CHD6: variants seen among roughly 807,000 people sequenced by gnomAD.
CHD6 encodes the protein ATP-dependent chromatin remodeler CHD6.
In CHD6, 50 loss-of-function variants were observed where a neutral mutation model predicts 276.9. The ratio of observed to expected loss-of-function variants is 0.18; its 90% CI spans 0.14 to 0.23. The LOEUF is 0.23. Ranked by LOEUF, CHD6 falls within the 10% of genes least tolerant of loss-of-function variation. The probability of loss-of-function intolerance (pLI) is 1.00; values close to 1 mark genes in which losing one functional copy is unlikely to be tolerated. For synonymous variants in CHD6, 1,173 were observed against 1,229.3 expected (o/e 0.95, Z 0.96); for missense variants, 2,564 against 3,365.8 (o/e 0.76, Z 5.89).
At chr20:41,512,777 A>G (rs1208356277) in intron 5 of CHD6, 69 bp downstream of exon 5, 1 of 1,574,972 alleles carries the variant, frequency 6.3e-7, no homozygotes, top group Non-Finnish European at 8.7e-7. Context: ...AAAGGCCAAG[A>G]AACACGTCTG....
At chr20:41,602,221 A>T (rs1460595990) in intron 1 of CHD6, among the ~76,000 whole-genome samples, 1 of 152,256 alleles carries the variant, frequency 6.6e-6, no homozygotes, top group Non-Finnish European at 1.5e-5. Flanking sequence ...ATAGAGTAAC[A>T]TGAATTACAA....
chr20:41,558,863 C>G (rs1373485696), intron 1 of CHD6, among the ~76,000 whole-genome samples: 12 of 152,132 alleles, frequency 7.9e-5, no homozygotes, highest in Admixed American at 7.9e-4. Context: ...CCCACCACCA[C>G]TCTGTTACTC....
chr20:41,499,598 C>T (rs769957518), intron 5 of CHD6, among the ~76,000 whole-genome samples: 28 of 152,168 alleles, frequency 1.8e-4, no homozygotes, highest in Non-Finnish European at 3.5e-4. Context: ...TTTTCAGATG[C>T]AATTTCAGAT....
At chr20:41,596,621 T>G (rs2045720613) in intron 1 of CHD6, among the ~76,000 whole-genome samples, 1 of 147,344 alleles carries the variant, frequency 6.8e-6, no homozygotes, top group Admixed American at 6.8e-5. Flanking sequence ...CTTAGGGAAA[T>G]GATAGTTAAA....
chr20:41,610,332 C>A (rs2045873641), intron 1 of CHD6, among the ~76,000 whole-genome samples: 2 of 151,930 alleles, frequency 1.3e-5, no homozygotes, highest in South Asian at 4.1e-4. Context: ...ATATGCAACC[C>A]CGAATGAACC....
intron 36 of CHD6, among the ~76,000 whole-genome samples, chr20:41,411,004 G>T (rs968719165): frequency 6.6e-5 from 10 of 152,280 alleles, no homozygotes; most frequent in South Asian, 2.1e-4. Flanking sequence ...AGCTCGTACT[G>T]CTCACGCAAG....
intron 16 of CHD6, 49 bp downstream of exon 16, chr20:41,483,260 G>A (rs2143228): frequency 0.28 from 411,170 of 1,468,250 alleles, 58,985 homozygotes; most frequent in East Asian, 0.41. Flanking sequence ...AATATCAAAG[G>A]AAAGGAACTG....
chr20:41,565,303 C>G (rs2045343661), intron 1 of CHD6, among the ~76,000 whole-genome samples: 1 of 152,048 alleles, frequency 6.6e-6, no homozygotes, highest in African/African-American at 2.4e-5. Context: ...ATCATGTTGG[C>G]CAGGCTGCTC....
At chr20:41,551,833 C>A (rs190466510) in intron 1 of CHD6, among the ~76,000 whole-genome samples, 2 of 152,236 alleles carry the variant, frequency 1.3e-5, no homozygotes, top group African/African-American at 4.8e-5. Flanking sequence ...AGGAGTGAGA[C>A]AGGATTTGGT....
At position 41,487,695 on chromosome 20, in the gene CHD6, C is replaced by A; in HGVS notation, c.1971G>T (p.Glu657Asp). 6.2e-7 allele frequency: 1 copy of A among 1,609,772 alleles called. No individual in the cohort carries two copies. Among genetic ancestry groups the A allele is most frequent in the Non-Finnish European group, 8.5e-7 (1 of 1,178,916 alleles). Reference protein sequence around the residue: ...SQFPSETAFLEEFGDLKTEEQ... With the variant: ...SQFPSETAFLDEFGDLKTEEQ... ...CCTCTGTTTTCAGATCTCCAAATTC[C>A]TCCAAGAAAGCGGTCTCTGAAGGAA... The change falls in exon 14 of 37, where the codon GAG becomes GAT. Residue 657 changes from glutamate to aspartate, a missense_variant. Glu to Asp is a conservative substitution (Grantham distance 45). Coordinates refer to ENST00000373233, the MANE Select transcript of CHD6 (RefSeq NM_032221.5).
At chr20:41,458,815 G>T (rs1458411198) in intron 17 of CHD6, among the ~76,000 whole-genome samples, 1 of 152,040 alleles carries the variant, frequency 6.6e-6, no homozygotes, top group Non-Finnish European at 1.5e-5. Context: ...CAAGCAGAGG[G>T]GTGATTACTG....
chr20:41,428,175 G>C (rs1366777364), intron 27 of CHD6, among the ~76,000 whole-genome samples: 1 of 152,190 alleles, frequency 6.6e-6, no homozygotes, highest in East Asian at 1.9e-4. Context: ...TTCAAGTAAG[G>C]AAAGCTTTGA....
intron 23 of CHD6, among the ~76,000 whole-genome samples, chr20:41,448,353 T>C (rs1183007869): frequency 6.6e-6 from 1 of 152,178 alleles, no homozygotes; most frequent in Non-Finnish European, 1.5e-5. Flanking sequence ...TTTCAAACAG[T>C]TTCACTTGTA....
chr20:41,610,943 T>C (rs1335365222), intron 1 of CHD6, among the ~76,000 whole-genome samples: 1 of 152,156 alleles, frequency 6.6e-6, no homozygotes, highest in Non-Finnish European at 1.5e-5. Flanking sequence ...CTATCTTCAA[T>C]CTTAGTATGA....
chr20:41,424,843 T>C (rs1035234923), intron 29 of CHD6, among the ~76,000 whole-genome samples: 1 of 152,252 alleles, frequency 6.6e-6, no homozygotes, highest in African/African-American at 2.4e-5. Context: ...GTTCCCTTTG[T>C]TACTAAAATA....
At position 41,417,329 on chromosome 20, in the gene CHD6, C is replaced by T. The variant is rs772902555; in HGVS notation, c.6148G>A (p.Glu2050Lys). Reference protein sequence around the residue: ...HSQDYPGKYSEEESKSSTSGI... With the variant: ...HSQDYPGKYSKEESKSSTSGI... ...GATGTTGAGCTCTTGCTCTCCTCTT[C>T]AGAGTACTTCCCTGGATAATCTGGG... The change falls in exon 32 of 37, where the codon GAA becomes AAA. Residue 2050 changes from glutamate to lysine, a missense_variant. Around this residue, in one of 7 missense-constraint regions of CHD6, gnomAD observed 1,024 missense variants for 1,047.9 expected, o/e 0.98. Coordinates refer to ENST00000373233, the MANE Select transcript of CHD6 (RefSeq NM_032221.5). The T allele has an allele frequency of 6.2e-7, 1 of 1,613,936 alleles. No individual in the cohort carries two copies. Among genetic ancestry groups the T allele is most frequent in the Non-Finnish European group, 8.5e-7 (1 of 1,179,988 alleles).
chr20:41,442,564 C>G (rs73123237), intron 25 of CHD6, among the ~76,000 whole-genome samples: 5 of 152,170 alleles, frequency 3.3e-5, no homozygotes, highest in African/African-American at 1.2e-4. Flanking sequence ...TGAAGTGGAG[C>G]GGGCTTCCTG....
intron 1 of CHD6, among the ~76,000 whole-genome samples, chr20:41,595,936 T>C (rs914803722): frequency 1.2e-4 from 19 of 152,146 alleles, no homozygotes; most frequent in Admixed American, 1.3e-4. Flanking sequence ...TGTCCTCCTC[T>C]ACCCCCTAAA....
At chr20:41,424,365 G>C (rs2047294530) in intron 29 of CHD6, among the ~76,000 whole-genome samples, 1 of 152,178 alleles carries the variant, frequency 6.6e-6, no homozygotes. Flanking sequence ...TAGCCATTAT[G>C]AGGGGCTCCT....
Sources: gnomAD v4.1 joint callset for allele counts (sites outside exome capture counted in the v4.1 genomes callset) on GRCh38, gnomAD v4.1.1 for gene constraint, gnomAD v4.1.1 regional missense constraint, MANE v1.5 for transcripts, NCBI Gene and HGNC (gene_info 2026-07-23, HGNC 2026-07-21) for gene names.